EPHA3: variants seen among roughly 807,000 people sequenced by gnomAD.
EPHA3 encodes the protein EPH receptor A3.
EPHA3 carries 42 observed loss-of-function variants against 107.1 expected under a neutral mutation model. The ratio of observed to expected loss-of-function variants is 0.39; its 90% confidence interval spans 0.31 to 0.51. EPHA3 has a LOEUF of 0.51. Ranked by LOEUF, EPHA3 falls within the 20% of genes least tolerant of loss-of-function variation. The pLI is 0.78. For synonymous variants in EPHA3, 461 were observed against 424.8 expected, an observed-to-expected ratio of 1.09 and a Z score of -1.05; for missense variants, 1,183 against 1,211.2, an observed-to-expected ratio of 0.98 and a Z score of 0.35.
At position 89,373,289 on chromosome 3, in the gene EPHA3, T is replaced by C. The variant is rs572743529; in HGVS notation, c.1307-22548T>C. ...ACTTTTAAAGAAATTATATTGCTAA[T>C]TTAAAATTTCCTCCAGCCACTTTTT... On this transcript the variant is annotated intron_variant, in intron 5 of 16. Transcript: ENST00000336596. Among the ~76,000 whole-genome samples the C allele has an allele frequency of 9.5e-4, 145 of 151,992 alleles. 2 individuals are homozygous for C. In the South Asian group the frequency reaches 0.015, roughly 16 times the overall value.
intron 3 of EPHA3, among the ~76,000 whole-genome samples, chr3:89,229,658 T>A (rs1354062148): frequency 1.3e-5 from 2 of 151,946 alleles, no homozygotes; most frequent in Middle Eastern, 3.4e-3. Flanking sequence ...AACTATTAAG[T>A]TCAATTTCAA....
chr3:89,331,085 A>G (rs1351255484), intron 3 of EPHA3, among the ~76,000 whole-genome samples: 1 of 152,160 alleles, frequency 6.6e-6, no homozygotes, highest in South Asian at 2.1e-4. Flanking sequence ...ATGGATATGC[A>G]GATGTTTGCC....
intron 2 of EPHA3, among the ~76,000 whole-genome samples, chr3:89,139,530 T>A (rs140957693): frequency 1.3e-5 from 2 of 151,984 alleles, no homozygotes; most frequent in African/African-American, 4.8e-5. Context: ...AAATATTATA[T>A]GTAGAATCTT....
chr3:89,370,595 C>T (rs1384591722), intron 5 of EPHA3, among the ~76,000 whole-genome samples: 1 of 151,576 alleles, frequency 6.6e-6, no homozygotes, highest in Non-Finnish European at 1.5e-5. Flanking sequence ...CAGCATGGCA[C>T]ATGTATACAT....
At chr3:89,451,873 A>G (rs1316420363) in intron 15 of EPHA3, among the ~76,000 whole-genome samples, 1 of 151,114 alleles carries the variant, frequency 6.6e-6, no homozygotes, top group Non-Finnish European at 1.5e-5. Flanking sequence ...TTGAAGATCA[A>G]GCAGGGCGTG....
chr3:89,379,266 T>C (rs904908345), intron 5 of EPHA3, among the ~76,000 whole-genome samples: 1 of 152,218 alleles, frequency 6.6e-6, no homozygotes, highest in Admixed American at 6.5e-5. Flanking sequence ...GAAGTATTAG[T>C]AAACCCAAGC....
chr3:89,405,535 C>A (rs1036427318), intron 7 of EPHA3, among the ~76,000 whole-genome samples: 6 of 152,244 alleles, frequency 3.9e-5, no homozygotes, highest in Non-Finnish European at 7.4e-5. Context: ...ACACTCTGAG[C>A]ACTTTTCTTC....
chr3:89,442,540 G>A (rs1257489767), intron 13 of EPHA3, among the ~76,000 whole-genome samples: 1 of 152,180 alleles, frequency 6.6e-6, no homozygotes, highest in Non-Finnish European at 1.5e-5. Context: ...GACAGCGGCA[G>A]AAGTGCTGCT....
intron 13 of EPHA3, among the ~76,000 whole-genome samples, chr3:89,441,455 C>A (rs1709782797): frequency 6.6e-6 from 1 of 152,084 alleles, no homozygotes; most frequent in South Asian, 2.1e-4. Context: ...ATATAGAGAC[C>A]AGTAAAAGTA....
chr3:89,140,554 C>A (rs1185567976), intron 2 of EPHA3, among the ~76,000 whole-genome samples: 19 of 151,632 alleles, frequency 1.3e-4, no homozygotes, highest in Admixed American at 7.2e-4. Context: ...TAAAACAGAA[C>A]AAATGAGCTT....
At chr3:89,271,943 A>G (rs1164490953) in intron 3 of EPHA3, among the ~76,000 whole-genome samples, 3 of 151,968 alleles carry the variant, frequency 2.0e-5, no homozygotes, top group Non-Finnish European at 4.4e-5. Flanking sequence ...CTTAATGTGA[A>G]TACAATGAGG....
At chr3:89,156,545 G>A (rs1238185290) in intron 2 of EPHA3, among the ~76,000 whole-genome samples, 1 of 151,936 alleles carries the variant, frequency 6.6e-6, no homozygotes, top group African/African-American at 2.4e-5. Flanking sequence ...AGATGACAGG[G>A]AAACTGACAG....
rs1707505889 is a variant in EPHA3 at position 89,340,965 on chromosome 3, T to C, written c.864T>C (p.Ala288=). The C allele has an allele frequency of 1.9e-6, 3 of 1,614,170 alleles. No homozygotes were observed. The highest frequency in any genetic ancestry group is 1.1e-5 in the South Asian group (1 of 91,090). The change falls in exon 4 of 17, where the codon GCT becomes GCC. Residue 288 remains alanine, a synonymous_variant. Transcript: ENST00000336596. ...YKALDGNMKC[A]KCPPHSSTQE... is the part of the protein sequence containing the mutation. ...CATTGGATGGTAATATGAAGTGTGCTAAGTGCCCGCCTCACAGTTCTACTC... is the reference window on the plus strand; with the variant it reads ...CATTGGATGGTAATATGAAGTGTGCCAAGTGCCCGCCTCACAGTTCTACTC...
intron 2 of EPHA3, among the ~76,000 whole-genome samples, chr3:89,155,397 A>G (rs1380728957): frequency 6.6e-6 from 1 of 152,104 alleles, no homozygotes; most frequent in Non-Finnish European, 1.5e-5. Flanking sequence ...TGTGCCAAGC[A>G]CTAGTGACAA....
intron 5 of EPHA3, among the ~76,000 whole-genome samples, chr3:89,350,617 C>G (rs1234532862): frequency 6.6e-6 from 1 of 151,030 alleles, no homozygotes; most frequent in Non-Finnish European, 1.5e-5. Flanking sequence ...TCTCTCAGCT[C>G]GTCAAAGTCA....
rs1709845607 is a variant in EPHA3 at position 89,444,574 on chromosome 3, C to T, written c.2347-4651C>T. Reference sequence around the variant, plus strand: ...GTTAACAGTGAGCTTTCCCTTGTAGCATCTTTTAATAAATTTGTTATATTG... The same window carrying T: ...GTTAACAGTGAGCTTTCCCTTGTAGTATCTTTTAATAAATTTGTTATATTG... On this transcript the variant is annotated intron_variant, in intron 13 of 16. Coordinates refer to ENST00000336596, the MANE Select transcript of EPHA3 (RefSeq NM_005233.6). Among the ~76,000 whole-genome samples, 2 of 151,980 alleles carry T rather than the reference C, an allele frequency of 1.3e-5. 1 individual carries two copies. Among genetic ancestry groups the T allele is most frequent in the South Asian group, 4.2e-4 (2 of 4,810 alleles).
chr3:89,348,653 G>T (rs1453905853), intron 5 of EPHA3, among the ~76,000 whole-genome samples: 1 of 112,668 alleles, frequency 8.9e-6, no homozygotes, highest in Non-Finnish European at 1.8e-5. Context: ...CTTGCCTTCT[G>T]CTAGCTTTTG....
chr3:89,145,057 C>A (rs1470751115), intron 2 of EPHA3, among the ~76,000 whole-genome samples: 2 of 151,580 alleles, frequency 1.3e-5, no homozygotes, highest in Admixed American at 6.6e-5. Flanking sequence ...AAGACAAGTT[C>A]TTTTTCCTTT....
At chr3:89,237,147 A>G (rs1217614932) in intron 3 of EPHA3, among the ~76,000 whole-genome samples, 1 of 152,240 alleles carries the variant, frequency 6.6e-6, no homozygotes, top group Non-Finnish European at 1.5e-5. Flanking sequence ...GGATCACTTG[A>G]GGCCACGAGT....
Sources: allele counts gnomAD v4.1 joint callset (sites outside exome capture counted in the v4.1 genomes callset), GRCh38; gene constraint gnomAD v4.1.1; transcripts MANE v1.5; gene names NCBI Gene and HGNC (gene_info 2026-07-23, HGNC 2026-07-21).